CCDC171: variants seen among roughly 807,000 people sequenced by gnomAD.
CCDC171 encodes coiled-coil domain-containing protein 171.
In CCDC171, 177 loss-of-function variants were observed where a neutral mutation model predicts 168.2. That is an observed-to-expected ratio of 1.05 (90% CI 0.93 to 1.19). The LOEUF (loss-of-function observed/expected upper bound fraction) is 1.19, where lower values mean the gene tolerates loss of function less well. CCDC171 is among the 50% of genes most tolerant of loss of function. CCDC171 has a pLI of 0.00. For missense variants in CCDC171, 1,991 were observed against 1,539.0 expected (o/e 1.29, Z -4.91); for synonymous variants, 687 against 540.8 (o/e 1.27, Z -3.75).
At chr9:15,913,154 A>T (rs952239168) in intron 24 of CCDC171, among the ~76,000 whole-genome samples, 18 of 152,144 alleles carry the variant, frequency 1.2e-4, no homozygotes, top group African/African-American at 4.3e-4. Context: ...TCCACTGTGA[A>T]TCCGTTTGGT....
At chr9:15,650,066 G>T (rs2047384961) in intron 7 of CCDC171, among the ~76,000 whole-genome samples, 1 of 152,194 alleles carries the variant, frequency 6.6e-6, no homozygotes, top group Admixed American at 6.5e-5. Context: ...ATACTATGCA[G>T]CCATAAAAAA....
At chr9:15,894,941 T>C (rs915868755) in intron 24 of CCDC171, among the ~76,000 whole-genome samples, 2 of 152,086 alleles carry the variant, frequency 1.3e-5, no homozygotes, top group African/African-American at 4.8e-5. Context: ...ACCTAGAACA[T>C]AATGGGTGCT....
At chr9:15,979,484 G>GT (rs920474676) in intron 3 of CCDC171, among the ~76,000 whole-genome samples, 14 of 152,136 alleles carry the variant, frequency 9.2e-5, no homozygotes, top group Middle Eastern at 3.4e-3. Context: ...TTTGTTGGCT[G>GT]TTTTTTATCA....
chr9:15,718,254 G>C (rs991054195), intron 11 of CCDC171, among the ~76,000 whole-genome samples: 8 of 152,180 alleles, frequency 5.3e-5, no homozygotes, highest in Non-Finnish European at 1.2e-4. Flanking sequence ...CTCTGCTATG[G>C]AAATGGGAGG....
intron 24 of CCDC171, among the ~76,000 whole-genome samples, chr9:15,914,762 C>T (rs1246427620): frequency 6.6e-6 from 1 of 152,036 alleles, no homozygotes; most frequent in East Asian, 1.9e-4. Context: ...GCTTGAAACT[C>T]AGGGCCCTTG....
chr9:15,640,098 C>T (rs534463369), intron 7 of CCDC171, among the ~76,000 whole-genome samples: 2 of 152,238 alleles, frequency 1.3e-5, no homozygotes, highest in East Asian at 1.9e-4. Flanking sequence ...TCAATGAGAT[C>T]ATCATGAAAA....
intron 1 of CCDC171, among the ~76,000 whole-genome samples, chr9:15,561,326 A>G (rs1035228352): frequency 1.1e-4 from 17 of 152,198 alleles, no homozygotes; most frequent in Admixed American, 4.6e-4. Context: ...GTTCACAAGT[A>G]ATGATCAATT....
At chr9:16,089,297 T>C in the CCDC171 span, among the ~76,000 whole-genome samples, 5 of 151,760 alleles carry the variant, frequency 3.3e-5, no homozygotes, top group Non-Finnish European at 7.4e-5. Flanking sequence ...GATATAGCCA[T>C]GGGCAAAAGT....
chr9:15,826,246 A>T (rs1206349035), intron 21 of CCDC171, among the ~76,000 whole-genome samples: 1 of 152,052 alleles, frequency 6.6e-6, no homozygotes, highest in Non-Finnish European at 1.5e-5. Flanking sequence ...AAATATTATA[A>T]TAAACAATTA....
At chr9:15,952,473 C>G (rs551980905) in intron 25 of CCDC171, among the ~76,000 whole-genome samples, 20 of 152,268 alleles carry the variant, frequency 1.3e-4, no homozygotes, top group African/African-American at 4.8e-4. Context: ...TCTCAGCTCA[C>G]TGCAACCTCG....
intron 24 of CCDC171, 117 bp downstream of exon 24, chr9:15,874,780 T>A: frequency 1.9e-6 from 2 of 1,036,068 alleles, no homozygotes. Context: ...TGCAAATAGA[T>A]GTTTCTTCAT....
intron 25 of CCDC171, among the ~76,000 whole-genome samples, chr9:15,924,051 A>G (rs145269502): frequency 4.6e-5 from 7 of 151,596 alleles, no homozygotes; most frequent in South Asian, 4.1e-4. Flanking sequence ...AGATCTCTAT[A>G]CACACCTTAA....
chr9:15,765,656 G>A (rs969909622), intron 18 of CCDC171, among the ~76,000 whole-genome samples: 11 of 152,158 alleles, frequency 7.2e-5, no homozygotes, highest in Non-Finnish European at 1.2e-4. Flanking sequence ...TTTGAGAAGC[G>A]GAGAAAATGA....
the CCDC171 span, among the ~76,000 whole-genome samples, chr9:16,082,214 A>G: frequency 6.6e-6 from 1 of 152,218 alleles, no homozygotes; most frequent in Non-Finnish European, 1.5e-5. Context: ...CTCACAAAAA[A>G]TGTAAATATG....
At chr9:15,630,247 C>G (rs1243208807) in intron 7 of CCDC171, among the ~76,000 whole-genome samples, 3 of 152,194 alleles carry the variant, frequency 2.0e-5, no homozygotes, top group Middle Eastern at 6.8e-3. Flanking sequence ...TGGATACAGT[C>G]AAGACCCATC....
chr9:16,027,485 C>G (rs7873925), intron 6 of CCDC171, among the ~76,000 whole-genome samples: 1 of 152,138 alleles, frequency 6.6e-6, no homozygotes, highest in Admixed American at 6.5e-5. Context: ...TTATATTCAC[C>G]TGATGCAAAC....
At chr9:15,928,309 G>C (rs546490783) in intron 25 of CCDC171, among the ~76,000 whole-genome samples, 1 of 151,810 alleles carries the variant, frequency 6.6e-6, no homozygotes, top group Admixed American at 6.6e-5. Context: ...CTGGGGAATT[G>C]AAATCTCAGT....
At chr9:15,876,942 C>T (rs1296548787) in intron 24 of CCDC171, among the ~76,000 whole-genome samples, 1 of 152,014 alleles carries the variant, frequency 6.6e-6, no homozygotes, top group Non-Finnish European at 1.5e-5. Context: ...ACTCAGCTGT[C>T]ATTTACAGAA....
intron 6 of CCDC171, among the ~76,000 whole-genome samples, chr9:15,599,842 T>G (rs1022187718): frequency 6.6e-6 from 1 of 152,144 alleles, no homozygotes; most frequent in Non-Finnish European, 1.5e-5. Flanking sequence ...AGACTTTCTT[T>G]GTTTCTTTTT....
Sources: allele counts gnomAD v4.1 joint callset (sites outside exome capture counted in the v4.1 genomes callset), GRCh38; gene constraint gnomAD v4.1.1; transcripts MANE v1.5; gene names NCBI Gene and HGNC (gene_info 2026-07-23, HGNC 2026-07-21).